The following MCF2L variants were observed in gnomAD, a reference collection of about 807,000 sequenced individuals.
MCF2L encodes the protein MCF.2 cell line derived transforming sequence like.
Under a neutral mutation model 153.4 loss-of-function variants are expected in MCF2L, and 97 were observed. That is an observed-to-expected ratio of 0.63 (90% CI 0.54 to 0.75). The LOEUF (loss-of-function observed/expected upper bound fraction) is 0.75, where lower values mean the gene tolerates loss of function less well. Among genes scored for constraint, MCF2L ranks in the 30% least tolerant of loss-of-function variants. The probability of loss-of-function intolerance (pLI) is 0.00; values close to 1 mark genes in which losing one functional copy is unlikely to be tolerated. For missense variants in MCF2L, 1,347 were observed against 1,495.2 expected (o/e 0.90, Z 1.64); for synonymous variants, 659 against 632.2 (o/e 1.04, Z -0.64).
intron 1 of MCF2L, chr13:113,001,732 G>A: frequency 7.3e-7 from 1 of 1,369,986 alleles, no homozygotes; most frequent in Non-Finnish European, 9.4e-7. Flanking sequence ...CGAATCGGAG[G>A]CCCTGGGAGG....
intron 3 of MCF2L, chr13:113,044,631 C>T (rs766834582): frequency 1.2e-6 from 2 of 1,600,914 alleles, no homozygotes; most frequent in South Asian, 1.1e-5. Context: ...AGAGGGCTCT[C>T]CGCACCGACT....
chr13:113,041,964 C>T (rs2086522570), intron 3 of MCF2L, among the ~76,000 whole-genome samples: 1 of 152,182 alleles, frequency 6.6e-6, no homozygotes, highest in African/African-American at 2.4e-5. Context: ...GACTAAAGCT[C>T]TCTGTGCCTG....
At chr13:113,002,009 G>T in intron 1 of MCF2L, 1 of 1,538,972 alleles carries the variant, frequency 6.5e-7, no homozygotes. Flanking sequence ...GCGGGTCCTC[G>T]CCTCCCCGGA....
At chr13:112,895,402 T>C (rs995167513) in intron 1 of MCF2L, among the ~76,000 whole-genome samples, 2 of 151,880 alleles carry the variant, frequency 1.3e-5, no homozygotes, top group African/African-American at 4.8e-5. Flanking sequence ...ACCACAAAAA[T>C]AGAAATGCAG....
At position 112,902,378 on chromosome 13, in the gene MCF2L, G is replaced by A. The variant is rs750714586; in HGVS notation, c.169+7G>A. On this transcript the variant is annotated splice_region_variant and intron_variant, in intron 2 of 29. Coordinates refer to the MCF2L transcript ENST00000375608. ...GCGACGGCCATGGCCACAGGTAGGC[G>A]CCTGGTGCTGCGGCCTCATTTGATT... is the stretch of plus-strand genomic sequence containing the variant. The A allele has an allele frequency of 3.3e-5, 53 of 1,610,414 alleles. No individual in the cohort carries two copies. In the African/African-American group the frequency reaches 4.5e-4, roughly 14 times the overall value.
Position 113,074,338 on chromosome 13 carries a change from GC to G in MCF2L, c.997-103del, listed in dbSNP as rs2033219404. 11 of 1,437,606 alleles carry G rather than the reference GC, an allele frequency of 7.7e-6. No homozygotes were observed. In the Admixed American group the frequency reaches 8.9e-5, roughly 12 times the overall value. The allele number at this position is 1,437,606 out of a possible 1,614,324, so 89.1% of individuals were successfully genotyped here. On this transcript the variant is annotated intron_variant, in intron 9 of 29. Coordinates refer to ENST00000535094, the MANE Select transcript of MCF2L (RefSeq NM_001112732.3). The surrounding 1 kb of genome is among the most constrained non-coding windows in gnomAD (Gnocchi z 4.2). Reference sequence around the variant, plus strand: ...TCCCTGCTTGATTGATGACCACTTGGCCCGACTTTGAATTCTGTCATTTCCC... The same window carrying G: ...TCCCTGCTTGATTGATGACCACTTGGCCGACTTTGAATTCTGTCATTTCCC...
intron 1 of MCF2L, among the ~76,000 whole-genome samples, chr13:112,898,144 G>A (rs1042946543): frequency 2.0e-5 from 3 of 152,232 alleles, no homozygotes; most frequent in Non-Finnish European, 2.9e-5. Context: ...GTGAGTGGAA[G>A]CCGTGTGGCA....
At chr13:113,049,027 G>A (rs2087024179) in intron 4 of MCF2L, among the ~76,000 whole-genome samples, 1 of 148,684 alleles carries the variant, frequency 6.7e-6, no homozygotes, top group Admixed American at 6.6e-5. Context: ...CTGTCCCCAG[G>A]CCCCTGCTAC....
At chr13:112,997,608 G>T (rs1268774799) in intron 1 of MCF2L, among the ~76,000 whole-genome samples, 4 of 152,264 alleles carry the variant, frequency 2.6e-5, no homozygotes, top group Non-Finnish European at 5.9e-5. Context: ...CCCACAGCCT[G>T]ATGGCTCCAG....
intron 27 of MCF2L, chr13:113,096,072 G>A (rs1267717301): frequency 5.8e-6 from 3 of 519,596 alleles, no homozygotes; most frequent in East Asian, 3.6e-5. Flanking sequence ...AGGGCCCTCC[G>A]GGAGGCGGGT....
chr13:113,039,627 G>A (rs1210109334), intron 3 of MCF2L, among the ~76,000 whole-genome samples: 1 of 142,140 alleles, frequency 7.0e-6, no homozygotes, highest in Non-Finnish European at 1.6e-5. Context: ...CAAGTTAAAG[G>A]AGAATCTAGT....
chr13:113,078,588 C>A, intron 14 of MCF2L, 78 bp from the exon 15 acceptor site: 1 of 1,447,124 alleles, frequency 6.9e-7, no homozygotes, highest in Non-Finnish European at 9.6e-7. Flanking sequence ...CATACGGGAA[C>A]TGGTGGGCTC....
chr13:113,014,698 G>A (rs2084394808), intron 1 of MCF2L, 65 bp from the exon 2 acceptor site: 2 of 1,396,154 alleles, frequency 1.4e-6, no homozygotes, highest in South Asian at 2.3e-5. Context: ...GTGGGATCGG[G>A]TGGGCGCTTG....
In MCF2L at chr13:113,089,601, T is replaced by C; in HGVS notation, c.2835-9T>C. ...ACTATTTCCTTTTTGATTTGTCTGA[T>C]GTCATCAGTCCCTCAAGAGGAAACT... On this transcript the variant is annotated splice_polypyrimidine_tract_variant and intron_variant, in intron 25 of 29. Coordinates refer to ENST00000535094, the MANE Select transcript of MCF2L (RefSeq NM_001112732.3). 6.4e-7 allele frequency: 1 copy of C among 1,572,536 alleles called. No homozygotes were observed. Among genetic ancestry groups the C allele is most frequent in the Non-Finnish European group, 8.8e-7 (1 of 1,142,652 alleles).
intron 1 of MCF2L, among the ~76,000 whole-genome samples, chr13:113,012,775 TGGACGGTGGACACTGTGATGC>T (rs2084247804): frequency 8.9e-6 from 1 of 112,310 alleles, no homozygotes; most frequent in Admixed American, 8.5e-5. Context: ...ACAGGCGGTG[TGGACGGTGGACACTGTGATGC>T]GGACGGTGGA....
intron 2 of MCF2L, among the ~76,000 whole-genome samples, chr13:112,919,181 A>G (rs1456351582): frequency 6.6e-6 from 1 of 151,888 alleles, no homozygotes; most frequent in Non-Finnish European, 1.5e-5. Context: ...TATTCTAACA[A>G]AAGACTATCA....
At position 113,064,910 on chromosome 13, in the gene MCF2L, G is replaced by T; in HGVS notation, c.607-26G>T. The stretch of plus-strand genomic sequence containing the variant: ...GAGGTGGGTGCAGTGCACAAGGCAT[G>T]CAATTGTGTTTTCTCTGTCCCCAAG... On this transcript the variant is annotated intron_variant, in intron 6 of 29. Transcript: ENST00000535094. This position sits in a 1 kb window ranked among gnomAD's most constrained non-coding sequence, Gnocchi z 6.0. 1 of 1,603,468 alleles carries T rather than the reference G, an allele frequency of 6.2e-7. No individual in the cohort carries two copies. The highest frequency in any genetic ancestry group is 1.7e-5 in the Admixed American group (1 of 59,452).
At chr13:112,990,143 G>A (rs373044459) in intron 1 of MCF2L, among the ~76,000 whole-genome samples, 15 of 152,164 alleles carry the variant, frequency 9.9e-5, no homozygotes, top group East Asian at 7.7e-4. Flanking sequence ...TCTGTGGCTC[G>A]GGGCTTGCAG....
rs190448969 is a variant in MCF2L at position 113,028,930 on chromosome 13, G to A, written c.278+4172G>A. 1.3e-4 allele frequency among the ~76,000 whole-genome samples: 20 copies of A among 151,328 alleles called. No homozygotes were observed. Among genetic ancestry groups the A allele is most frequent in the Admixed American group, 1.3e-3 (20 of 15,174 alleles). Reference sequence around the variant, plus strand: ...GCATGTGGCATGTGTGGGGTAAGTGGTGTGTGTGGTATGTGTGGACTATGT... The same window carrying A: ...GCATGTGGCATGTGTGGGGTAAGTGATGTGTGTGGTATGTGTGGACTATGT... On this transcript the variant is annotated intron_variant, in intron 3 of 29. Coordinates refer to ENST00000535094, the MANE Select transcript of MCF2L (RefSeq NM_001112732.3). This position sits in a 1 kb window ranked among gnomAD's most constrained non-coding sequence, Gnocchi z 5.4.
Sources: gnomAD v4.1 joint callset for allele counts (sites outside exome capture counted in the v4.1 genomes callset) on GRCh38, gnomAD v4.1.1 for gene constraint, Gnocchi (gnomAD v3.1) non-coding constraint, MANE v1.5 for transcripts, NCBI Gene and HGNC (gene_info 2026-07-23, HGNC 2026-07-21) for gene names.